LIPI: variants seen among roughly 807,000 people sequenced by gnomAD.
LIPI encodes the protein lipase I.
In LIPI, 59 loss-of-function variants were observed where a neutral mutation model predicts 50.6. That is an observed-to-expected ratio of 1.16 (90% CI 0.94 to 1.45). The LOEUF is 1.45. Among genes scored for constraint, LIPI ranks in the 40% most tolerant of loss-of-function variants. The probability of loss-of-function intolerance (pLI) is 0.00; values close to 1 mark genes in which losing one functional copy is unlikely to be tolerated. For synonymous variants in LIPI, 203 were observed against 178.2 expected, an observed-to-expected ratio of 1.14 and a Z score of -1.11; for missense variants, 586 against 536.3, an observed-to-expected ratio of 1.09 and a Z score of -0.92.
intron 1 of LIPI, among the ~76,000 whole-genome samples, chr21:14,195,390 G>C (rs2019810478): frequency 6.6e-6 from 1 of 151,984 alleles, no homozygotes; most frequent in South Asian, 2.1e-4. Context: ...ATAAATGCAG[G>C]GACATTCAGT....
chr21:14,178,657 T>A (rs1240638718), intron 4 of LIPI, among the ~76,000 whole-genome samples: 1 of 152,198 alleles, frequency 6.6e-6, no homozygotes, highest in Non-Finnish European at 1.5e-5. Context: ...ACCAACTTAA[T>A]AATAAGCACA....
intron 9 of LIPI, among the ~76,000 whole-genome samples, chr21:14,110,104 TAA>T (rs3993057): frequency 0.5 from 75,570 of 151,248 alleles, 18,885 homozygotes; most frequent in Admixed American, 0.53. Context: ...TGATAAAGTA[TAA>T]GATTGATCTA....
chr21:14,144,462 AC>A (rs1370517873), intron 9 of LIPI, 160 bp downstream of exon 9: 3 of 445,568 alleles, frequency 6.7e-6, no homozygotes, highest in South Asian at 5.8e-5. Context: ...AGCCAAAAAA[AC>A]CTTTATACCT....
intron 9 of LIPI, among the ~76,000 whole-genome samples, chr21:14,120,377 A>G (rs2016818088): frequency 6.6e-6 from 1 of 152,368 alleles, no homozygotes; most frequent in South Asian, 2.1e-4. Flanking sequence ...ATACTGACTC[A>G]AGATATGCTT....
At chr21:14,192,876 AAAAG>A (rs149748770) in intron 1 of LIPI, among the ~76,000 whole-genome samples, 2,541 of 152,330 alleles carry the variant, frequency 0.017, 70 homozygotes, top group African/African-American at 0.058. Flanking sequence ...CTTCACATTT[AAAAG>A]AAAGTACACT....
At chr21:14,151,564 T>C (rs1030303066) in intron 8 of LIPI, among the ~76,000 whole-genome samples, 1 of 152,194 alleles carries the variant, frequency 6.6e-6, no homozygotes, top group African/African-American at 2.4e-5. Context: ...TCACTAGATA[T>C]GGTGTCTGTG....
intron 8 of LIPI, among the ~76,000 whole-genome samples, chr21:14,147,774 C>T (rs1484476189): frequency 2.0e-5 from 3 of 152,142 alleles, no homozygotes; most frequent in Admixed American, 6.6e-5. Context: ...CTTTCCTTAA[C>T]GTTCACTTAT....
intron 4 of LIPI, among the ~76,000 whole-genome samples, chr21:14,181,198 G>A (rs537137078): frequency 5.9e-5 from 9 of 152,282 alleles, no homozygotes; most frequent in Admixed American, 2.6e-4. Flanking sequence ...GGAAAGGCAC[G>A]AGGACAGTCT....
At chr21:14,150,622 G>T (rs2018055648) in intron 8 of LIPI, among the ~76,000 whole-genome samples, 1 of 152,110 alleles carries the variant, frequency 6.6e-6, no homozygotes, top group Admixed American at 6.5e-5. Flanking sequence ...TCCTGTTTTT[G>T]ATAAGAATAA....
chr21:14,108,920 A>G lies in LIPI; in HGVS notation c.*73T>C. ...ATCTCAAATTGAACAGTGCATTATA[A>G]AAGACTGATTGCATTGTTTCATTTA... On this transcript the variant is annotated 3_prime_UTR_variant, in exon 10 of 10. Transcript: ENST00000681601. 6.3e-7 allele frequency: 1 copy of G among 1,583,368 alleles called. No homozygotes were observed. Among genetic ancestry groups the G allele is most frequent in the Non-Finnish European group, 8.7e-7 (1 of 1,154,584 alleles).
chr21:14,163,435 A>G lies in LIPI; in HGVS notation c.990T>C (p.Gly330=), dbSNP rs933432523. Residue 330 remains glycine, a synonymous_variant, in exon 7 of 10, where the codon GGT becomes GGC. Transcript: ENST00000681601. ...LRTTVFLDTS[G]TYPFCTYYFV... ...ATAACTTACTACAGAATGGATATGT[A>G]CCACTTGTATCCAAAAACACAGTGG... is the stretch of plus-strand genomic sequence containing the variant. The G allele has an allele frequency of 2.7e-6, 4 of 1,502,972 alleles. No individual in the cohort carries two copies. The highest frequency in any genetic ancestry group is 3.7e-6 in the Non-Finnish European group (4 of 1,079,224). The allele number at this position is 1,502,972 out of a possible 1,614,324, so 93.1% of individuals were successfully genotyped here. A position where few individuals can be genotyped will look rare whatever the true frequency, so the allele number is the denominator to read the frequency against.
At chr21:14,168,015 C>T (rs1459778604) in intron 4 of LIPI, among the ~76,000 whole-genome samples, 1 of 152,092 alleles carries the variant, frequency 6.6e-6, no homozygotes, top group Non-Finnish European at 1.5e-5. Flanking sequence ...CAGGGAAGTG[C>T]TTAAAGGAGC....
chr21:14,158,064 A>AT (rs2018333278), intron 7 of LIPI, among the ~76,000 whole-genome samples: 1 of 151,688 alleles, frequency 6.6e-6, no homozygotes, highest in Admixed American at 6.6e-5. Flanking sequence ...TTTAGAGGAG[A>AT]TTTTTTACTT....
chr21:14,137,315 A>G (rs993747333), intron 9 of LIPI, among the ~76,000 whole-genome samples: 2 of 152,224 alleles, frequency 1.3e-5, no homozygotes, highest in African/African-American at 2.4e-5. Flanking sequence ...AGCAGTGTTG[A>G]GGAAACTAAA....
At chr21:14,121,435 A>G (rs1308411280) in intron 9 of LIPI, among the ~76,000 whole-genome samples, 1 of 152,208 alleles carries the variant, frequency 6.6e-6, no homozygotes, top group Non-Finnish European at 1.5e-5. Context: ...GAGATAGTGT[A>G]CAGCCGACCA....
In LIPI at chr21:14,189,304, G is replaced by T; in HGVS notation, c.162C>A (p.Asn54Lys). The change falls in exon 2 of 10, where the codon AAC becomes AAA. Residue 54 changes from asparagine (N) to lysine (K), a missense_variant. Physicochemically the swap from Asn to Lys is moderately conservative, Grantham distance 94. Transcript: ENST00000681601. ...ILMMYTRNNL[N>K]CAEPLFEQNN... ...TTTGTTCAAACAGTGGCTCAGCACA[G>T]TTTAGGTTGTTCCTTGTATACATCA... is the stretch of plus-strand genomic sequence containing the variant. 1 of 1,613,780 alleles carries T rather than the reference G, an allele frequency of 6.2e-7. No individual in the cohort carries two copies. Among genetic ancestry groups the T allele is most frequent in the East Asian group, 2.2e-5 (1 of 44,864 alleles).
At chr21:14,115,134 AG>A (rs963949320) in intron 9 of LIPI, among the ~76,000 whole-genome samples, 2 of 152,094 alleles carry the variant, frequency 1.3e-5, no homozygotes, top group African/African-American at 4.8e-5. Flanking sequence ...AGTCTAAGTT[AG>A]AGAAGAATAC....
chr21:14,175,820 GA>G (rs1457052202), intron 4 of LIPI, among the ~76,000 whole-genome samples: 2 of 151,958 alleles, frequency 1.3e-5, no homozygotes, highest in Non-Finnish European at 1.5e-5. Flanking sequence ...TTCTCTCCAA[GA>G]ATTTATTTTT....
chr21:14,165,973 C>T (rs2018669672), intron 5 of LIPI, among the ~76,000 whole-genome samples: 3 of 152,124 alleles, frequency 2.0e-5, no homozygotes, highest in Admixed American at 2.0e-4. Context: ...ACAGAACAAT[C>T]AAGTGTCAAG....
Sources: gnomAD v4.1 joint callset for allele counts (sites outside exome capture counted in the v4.1 genomes callset) on GRCh38, gnomAD v4.1.1 for gene constraint, MANE v1.5 for transcripts, NCBI Gene and HGNC (gene_info 2026-07-23, HGNC 2026-07-21) for gene names.